KCNMA1: variants seen among roughly 807,000 people sequenced by gnomAD.
KCNMA1 encodes the protein Calcium-activated potassium channel subunit alpha-1.
In KCNMA1, 29 loss-of-function variants were observed where a neutral mutation model predicts 140.0. That is an observed-to-expected ratio of 0.21 (90% CI 0.15 to 0.28). The LOEUF (loss-of-function observed/expected upper bound fraction) is 0.28, where lower values mean the gene tolerates loss of function less well. Ranked by LOEUF, KCNMA1 falls within the 10% of genes least tolerant of loss-of-function variation. The probability of loss-of-function intolerance (pLI) is 1.00; values close to 1 mark genes in which losing one functional copy is unlikely to be tolerated. For synonymous variants in KCNMA1, 612 were observed against 611.9 expected (o/e 1.00, Z 0.00); for missense variants, 880 against 1,602.2 (o/e 0.55, Z 7.70).
At chr10:77,258,841 T>C (rs1016742858) in intron 2 of KCNMA1, among the ~76,000 whole-genome samples, 4 of 152,068 alleles carry the variant, frequency 2.6e-5, no homozygotes, top group Non-Finnish European at 5.9e-5. Context: ...CACACACCTG[T>C]AATCCCAGCT....
At chr10:77,154,292 G>A (rs953493138) in intron 5 of KCNMA1, among the ~76,000 whole-genome samples, 6 of 151,974 alleles carry the variant, frequency 3.9e-5, no homozygotes, top group Non-Finnish European at 5.9e-5. Context: ...TAAATTACCC[G>A]GTCTGGAGGA....
rs1169838049 is a variant in KCNMA1, at chr10:76,920,020, G to GTATATATATATATATATA, written c.2903-4989_2903-4972dup. On this transcript the variant is annotated intron_variant, in intron 23 of 27. Coordinates refer to ENST00000286628, the MANE Select transcript of KCNMA1 (RefSeq NM_001161352.2). ...TGTGTGTGTGTGTGTGTGTGTGTGT[G>GTATATATATATATATATA]TATATATATATATATATATATATAT... Among the ~76,000 whole-genome samples, 103 of 34,414 alleles carry GTATATATATATATATATA rather than the reference G, an allele frequency of 3.0e-3. 8 individuals carry two copies. The highest frequency in any genetic ancestry group is 0.014 in the Admixed American group (33 of 2,342). The allele number at this position is 34,414 out of a possible 152,430, so 22.6% of individuals were successfully genotyped here.
chr10:77,158,081 T>C (rs547168920), intron 5 of KCNMA1, among the ~76,000 whole-genome samples: 1 of 152,196 alleles, frequency 6.6e-6, no homozygotes, highest in South Asian at 2.1e-4. Flanking sequence ...TCTAAGAGGC[T>C]CAGGGAAAAT....
chr10:77,011,663 TATTATACATCATAC>T (rs1447403361), intron 18 of KCNMA1, among the ~76,000 whole-genome samples: 1 of 152,180 alleles, frequency 6.6e-6, no homozygotes, highest in Non-Finnish European at 1.5e-5. Context: ...TTCTCCTCCT[TATTATACATCATAC>T]TTGTCTCTGT....
At chr10:77,587,964 G>T in intron 1 of KCNMA1, 2 of 586,216 alleles carry the variant, frequency 3.4e-6, no homozygotes, top group Non-Finnish European at 4.3e-6. Context: ...AAATAATACT[G>T]CAAAGCACTC....
chr10:76,892,820 T>C (rs1177825889), intron 25 of KCNMA1, among the ~76,000 whole-genome samples: 1 of 152,216 alleles, frequency 6.6e-6, no homozygotes, highest in Non-Finnish European at 1.5e-5. Flanking sequence ...ACCAAATTTA[T>C]ATTCACATAA....
In KCNMA1 at chr10:77,039,883, C is replaced by CTTTTTTTTTTTTTTTTTTT. The variant is rs34943268; in HGVS notation, c.1750-265_1750-247dup. Among the ~76,000 whole-genome samples the CTTTTTTTTTTTTTTTTTTT allele has an allele frequency of 4.1e-4, 32 of 78,956 alleles. 5 individuals carry two copies. Among genetic ancestry groups the CTTTTTTTTTTTTTTTTTTT allele is most frequent in the East Asian group, 1.3e-3 (3 of 2,330 alleles). 51.8% of individuals were successfully genotyped at this position (78,956 alleles called of 152,430 possible). ...TCTTTCCTTTTTCTTTTTTCTTTTTCTTTTTTTTTTTTTTTTTTTTTTTGA... is the reference window on the plus strand; with the variant it reads ...TCTTTCCTTTTTCTTTTTTCTTTTTCTTTTTTTTTTTTTTTTTTTTTTTTTTTTTTTTTTTTTTTTTTGA... On this transcript the variant is annotated intron_variant, in intron 14 of 27. Transcript: ENST00000286628.
chr10:77,582,842 C>T (rs963575390), intron 1 of KCNMA1, among the ~76,000 whole-genome samples: 2 of 152,242 alleles, frequency 1.3e-5, no homozygotes, highest in Non-Finnish European at 2.9e-5. Context: ...GTTTAGTAGA[C>T]ATGCAACTGC....
intron 1 of KCNMA1, among the ~76,000 whole-genome samples, chr10:77,414,942 C>T (rs1209852499): frequency 6.6e-6 from 1 of 152,144 alleles, no homozygotes; most frequent in East Asian, 1.9e-4. Context: ...GGGATAGGTC[C>T]AATGTGCAAG....
intron 1 of KCNMA1, among the ~76,000 whole-genome samples, chr10:77,610,076 C>A (rs1400889381): frequency 6.6e-6 from 1 of 152,216 alleles, no homozygotes; most frequent in Non-Finnish European, 1.5e-5. Context: ...CCTCTGCCTG[C>A]GGCTTTCTGG....
At position 77,163,794 on chromosome 10, in the gene KCNMA1, T is replaced by C. The variant is rs536119824; in HGVS notation, c.808+19627A>G. 9.9e-5 allele frequency among the ~76,000 whole-genome samples: 15 copies of C among 152,278 alleles called. No homozygotes were observed. The East Asian group carries it at 2.5e-3, about 26-fold the overall frequency. ...AGGTGGATGTCTTTGCTCCTTCCTT[T>C]TTCTGCCCTGAGACACTCTTCATTC... On this transcript the variant is annotated intron_variant, in intron 5 of 27. Transcript: ENST00000286628.
chr10:77,554,929 C>A (rs2063847107), intron 1 of KCNMA1, among the ~76,000 whole-genome samples: 1 of 152,150 alleles, frequency 6.6e-6, no homozygotes, highest in African/African-American at 2.4e-5. Context: ...CAGAGGGGTG[C>A]AGGTTGGCAT....
At chr10:77,030,474 G>T (rs1044372731) in intron 15 of KCNMA1, among the ~76,000 whole-genome samples, 1 of 152,178 alleles carries the variant, frequency 6.6e-6, no homozygotes, top group African/African-American at 2.4e-5. Flanking sequence ...TCAGGGAGAA[G>T]GCTGATCTTA....
chr10:77,624,615 G>T (rs1226370075), intron 1 of KCNMA1, among the ~76,000 whole-genome samples: 1 of 152,094 alleles, frequency 6.6e-6, no homozygotes, highest in East Asian at 1.9e-4. Flanking sequence ...AGGTAAAAAT[G>T]ATAGTTTTAA....
intron 25 of KCNMA1, among the ~76,000 whole-genome samples, chr10:76,893,948 A>G (rs2151943928): frequency 6.6e-6 from 1 of 152,316 alleles, no homozygotes; most frequent in East Asian, 1.9e-4. Flanking sequence ...TATCAAAATC[A>G]CAAAGTCCAT....
chr10:77,103,401 C>G (rs1044773416), intron 9 of KCNMA1, among the ~76,000 whole-genome samples: 2 of 152,166 alleles, frequency 1.3e-5, no homozygotes, highest in East Asian at 1.9e-4. Flanking sequence ...ACGTGGGGCT[C>G]TACTGTGCCT....
intron 19 of KCNMA1, among the ~76,000 whole-genome samples, chr10:76,975,925 T>C (rs2077364509): frequency 6.6e-6 from 1 of 152,066 alleles, no homozygotes; most frequent in Non-Finnish European, 1.5e-5. Flanking sequence ...ATCCACAGAT[T>C]AGGAAAAGAA....
At chr10:77,073,881 C>T (rs1053010320) in intron 13 of KCNMA1, among the ~76,000 whole-genome samples, 4 of 152,168 alleles carry the variant, frequency 2.6e-5, no homozygotes, top group Admixed American at 6.5e-5. Flanking sequence ...ACAGTGTCGA[C>T]GTTTCCAATC....
Position 77,637,579 on chromosome 10 carries a change from T to C in KCNMA1, c.64A>G (p.Ser22Gly). The change falls in exon 1 of 28, where the codon AGT (serine) becomes GGT (glycine). Residue 22 changes from serine (S) to glycine (G), a missense_variant. This residue lies in a region of KCNMA1 where 94 missense variants were observed against 92.4 expected (regional missense o/e 1.02). Coordinates refer to ENST00000286628, the MANE Select transcript of KCNMA1 (RefSeq NM_001161352.2). ...TGGATATTGCTACTCATTCTAAGAC[T>C]GCTGCCTCCGCCGCCGCCGCCGCCG... ...SGGGGGGGGS[S>G]LRMSSNIHAN... The C allele has an allele frequency of 1.3e-6, 2 of 1,532,830 alleles. No individual in the cohort carries two copies. Among genetic ancestry groups the C allele is most frequent in the Non-Finnish European group, 8.8e-7 (1 of 1,142,276 alleles). The allele number at this position is 1,532,830 out of a possible 1,614,324, so 95.0% of individuals were successfully genotyped here. A position where few individuals can be genotyped will look rare whatever the true frequency, so the allele number is the denominator to read the frequency against.
Sources: allele counts gnomAD v4.1 joint callset (sites outside exome capture counted in the v4.1 genomes callset), GRCh38; gene constraint gnomAD v4.1.1; regional missense constraint gnomAD v4.1.1; transcripts MANE v1.5; gene names NCBI Gene and HGNC (gene_info 2026-07-23, HGNC 2026-07-21).